The following NPAS3 variants were observed in gnomAD, a reference collection of about 807,000 sequenced individuals.
NPAS3 encodes neuronal PAS domain-containing protein 3.
A neutral mutation model predicts 73.1 loss-of-function variants in NPAS3; 14 were observed. The ratio of observed to expected loss-of-function variants is 0.19; its 90% CI spans 0.13 to 0.30. The LOEUF is 0.30. Among genes scored for constraint, NPAS3 ranks in the 10% least tolerant of loss-of-function variants. The pLI is 1.00. For synonymous variants in NPAS3, 620 were observed against 541.5 expected (o/e 1.14, Z -2.01); for missense variants, 1,096 against 1,250.0 (o/e 0.88, Z 1.86).
intron 5 of NPAS3, among the ~76,000 whole-genome samples, chr14:33,662,096 G>A (rs539524367): frequency 1.3e-5 from 2 of 152,190 alleles, no homozygotes; most frequent in Non-Finnish European, 2.9e-5. Flanking sequence ...TCTTATGGAA[G>A]CAAGGTTTAT....
chr14:33,783,863 TAC>T (rs2063059590), intron 9 of NPAS3, among the ~76,000 whole-genome samples: 1 of 152,196 alleles, frequency 6.6e-6, no homozygotes, highest in South Asian at 2.1e-4. Context: ...GCTTGAAAAG[TAC>T]AGACCATACT....
At chr14:33,567,180 G>T (rs1271006151) in intron 5 of NPAS3, among the ~76,000 whole-genome samples, 1 of 152,148 alleles carries the variant, frequency 6.6e-6, no homozygotes, top group African/African-American at 2.4e-5. Context: ...GCCTGGTGTG[G>T]CACCCTGAAG....
At chr14:33,301,861 G>A (rs960576952) in intron 3 of NPAS3, among the ~76,000 whole-genome samples, 3 of 152,150 alleles carry the variant, frequency 2.0e-5, no homozygotes, top group Non-Finnish European at 4.4e-5. Flanking sequence ...TTCCCATGGT[G>A]TAATGATAGG....
At chr14:33,351,756 A>AT (rs1311976190) in intron 3 of NPAS3, among the ~76,000 whole-genome samples, 5 of 152,314 alleles carry the variant, frequency 3.3e-5, no homozygotes, top group Admixed American at 6.5e-5. Flanking sequence ...TGTTGCTATT[A>AT]TTCCAGTTTT....
At chr14:33,143,546 A>T (rs767388197) in intron 2 of NPAS3, among the ~76,000 whole-genome samples, 1 of 152,150 alleles carries the variant, frequency 6.6e-6, no homozygotes, top group Non-Finnish European at 1.5e-5. Context: ...CATAAAACCT[A>T]TTATTGTTTG....
intron 4 of NPAS3, among the ~76,000 whole-genome samples, chr14:33,474,684 T>C (rs1438519805): frequency 6.6e-6 from 1 of 152,004 alleles, no homozygotes; most frequent in Admixed American, 6.6e-5. Context: ...AAGAGAAGGG[T>C]ATAAATTTGA....
intron 1 of NPAS3, among the ~76,000 whole-genome samples, chr14:32,997,242 C>G (rs1007736311): frequency 2.6e-5 from 4 of 152,180 alleles, no homozygotes; most frequent in African/African-American, 9.7e-5. Flanking sequence ...TAGGAAGTAA[C>G]TAACTTGCTT....
chr14:33,225,061 C>T (rs766580656), intron 3 of NPAS3, among the ~76,000 whole-genome samples: 1 of 152,150 alleles, frequency 6.6e-6, no homozygotes, highest in Non-Finnish European at 1.5e-5. Context: ...CACTTTCCTG[C>T]CTTTCTAACT....
intron 3 of NPAS3, among the ~76,000 whole-genome samples, chr14:33,343,341 T>C (rs953419001): frequency 6.6e-6 from 1 of 152,222 alleles, no homozygotes; most frequent in African/African-American, 2.4e-5. Context: ...TGTTTTATCT[T>C]GATCTGATTG....
chr14:33,490,520 A>C (rs1462182962), intron 4 of NPAS3, among the ~76,000 whole-genome samples: 2 of 152,122 alleles, frequency 1.3e-5, no homozygotes, highest in African/African-American at 4.8e-5. Context: ...GAGCTTGTTC[A>C]GAGATGGTTA....
chr14:33,522,126 A>G (rs1325123754), intron 4 of NPAS3, among the ~76,000 whole-genome samples: 1 of 152,184 alleles, frequency 6.6e-6, no homozygotes, highest in African/African-American at 2.4e-5. Flanking sequence ...GCTCTGAATT[A>G]AGTGCTCATA....
chr14:33,437,608 G>C (rs920470911), intron 4 of NPAS3, among the ~76,000 whole-genome samples: 2 of 152,170 alleles, frequency 1.3e-5, no homozygotes, highest in Non-Finnish European at 2.9e-5. Flanking sequence ...CCTTCCTTTT[G>C]AGAGGACAAC....
At chr14:32,974,664 G>T (rs151305131) in intron 1 of NPAS3, among the ~76,000 whole-genome samples, 1 of 152,220 alleles carries the variant, frequency 6.6e-6, no homozygotes, top group Non-Finnish European at 1.5e-5. Flanking sequence ...CTTTCACATG[G>T]ATACCTCAGC....
chr14:33,732,808 C>T (rs567964574), intron 6 of NPAS3, among the ~76,000 whole-genome samples: 5 of 152,310 alleles, frequency 3.3e-5, no homozygotes, highest in South Asian at 2.1e-4. Flanking sequence ...ACATGTGGTA[C>T]GGTGCCATAC....
intron 2 of NPAS3, among the ~76,000 whole-genome samples, chr14:33,134,464 TTATC>T (rs1196998466): frequency 3.3e-5 from 5 of 152,152 alleles, no homozygotes; most frequent in African/African-American, 9.7e-5. Context: ...GGCAAATACT[TTATC>T]TAAATGGTTT....
At chr14:33,141,070 A>G (rs2044026695) in intron 2 of NPAS3, among the ~76,000 whole-genome samples, 2 of 152,216 alleles carry the variant, frequency 1.3e-5, no homozygotes. Flanking sequence ...GTTTAATCAT[A>G]TTGATACCAA....
chr14:33,293,042 A>C (rs531343302), intron 3 of NPAS3, among the ~76,000 whole-genome samples: 1 of 152,186 alleles, frequency 6.6e-6, no homozygotes, highest in South Asian at 2.1e-4. Context: ...GATTCCTAGG[A>C]GCTCTCGTGA....
chr14:33,762,267 C>G (rs933857590), intron 7 of NPAS3, among the ~76,000 whole-genome samples: 12 of 149,670 alleles, frequency 8.0e-5, no homozygotes, highest in Admixed American at 2.7e-4. Flanking sequence ...TTTTTTTTTT[C>G]CCTGTTTGTT....
intron 6 of NPAS3, among the ~76,000 whole-genome samples, chr14:33,699,818 C>T (rs746067778): frequency 3.9e-5 from 6 of 152,032 alleles, no homozygotes; most frequent in Admixed American, 1.3e-4. Flanking sequence ...GCGATGAACC[C>T]GTACACGGCA....
Sources: allele counts gnomAD v4.1 joint callset (sites outside exome capture counted in the v4.1 genomes callset), GRCh38; gene constraint gnomAD v4.1.1; transcripts MANE v1.5; gene names NCBI Gene and HGNC (gene_info 2026-07-23, HGNC 2026-07-21).